The following ADAMTS2 variants were observed in gnomAD, a reference collection of about 807,000 sequenced individuals.
ADAMTS2 encodes the protein A disintegrin and metalloproteinase with thrombospondin motifs 2.
Under a neutral mutation model 123.0 loss-of-function variants are expected in ADAMTS2, and 50 were observed. That is an observed-to-expected ratio of 0.41 (90% CI 0.32 to 0.51). The LOEUF is 0.51. Among genes scored for constraint, ADAMTS2 ranks in the 20% least tolerant of loss-of-function variants. The pLI, the probability that ADAMTS2 is intolerant of heterozygous loss-of-function variation, is 0.35. For synonymous variants in ADAMTS2, 678 were observed against 695.4 expected (o/e 0.98, Z 0.39); for missense variants, 1,494 against 1,705.2 (o/e 0.88, Z 2.18).
intron 2 of ADAMTS2, among the ~76,000 whole-genome samples, chr5:179,319,176 AC>A (rs1377298742): frequency 2.0e-5 from 3 of 152,038 alleles, no homozygotes; most frequent in South Asian, 2.1e-4. Flanking sequence ...CAGGCGTCAC[AC>A]AGGCACCATG....
intron 2 of ADAMTS2, among the ~76,000 whole-genome samples, chr5:179,323,100 C>T (rs1484598069): frequency 6.6e-6 from 1 of 152,234 alleles, no homozygotes; most frequent in Non-Finnish European, 1.5e-5. Context: ...TCATGGCTGG[C>T]AGGGGCTGCA....
chr5:179,310,351 C>A (rs970514384), intron 2 of ADAMTS2, among the ~76,000 whole-genome samples: 2 of 152,206 alleles, frequency 1.3e-5, no homozygotes, highest in Non-Finnish European at 2.9e-5. Flanking sequence ...CTCAGCCCCC[C>A]AGCTCCAAGC....
chr5:179,226,101 A>C (rs7704240), intron 3 of ADAMTS2, among the ~76,000 whole-genome samples: 76,479 of 152,042 alleles, frequency 0.5, 21,588 homozygotes, highest in East Asian at 0.95. Context: ...ACACCCCCAT[A>C]GCACGCCCTG....
At chr5:179,263,624 G>A (rs527589535) in intron 3 of ADAMTS2, among the ~76,000 whole-genome samples, 1 of 152,324 alleles carries the variant, frequency 6.6e-6, no homozygotes, top group East Asian at 1.9e-4. Flanking sequence ...TGCTCGTGGC[G>A]CAGCCCACAC....
chr5:179,217,805 G>A (rs6875886), intron 3 of ADAMTS2, among the ~76,000 whole-genome samples: 18,434 of 141,452 alleles, frequency 0.13, 2,368 homozygotes, highest in African/African-American at 0.24. Context: ...AGGGGGGGAT[G>A]GGCACACTCA....
At chr5:179,137,454 CA>C (rs1561773442) in intron 12 of ADAMTS2, among the ~76,000 whole-genome samples, 2 of 152,284 alleles carry the variant, frequency 1.3e-5, no homozygotes, top group African/African-American at 4.8e-5. Flanking sequence ...CTGAGCTGAC[CA>C]CACAGCTCAA....
intron 4 of ADAMTS2, among the ~76,000 whole-genome samples, chr5:179,187,608 C>G (rs1028684198): frequency 5.9e-5 from 9 of 152,166 alleles, no homozygotes; most frequent in African/African-American, 2.2e-4. Flanking sequence ...CTCCCCCCAG[C>G]AGCCCTGGGG....
rs371021469 is a variant in ADAMTS2 at position 179,126,120 on chromosome 5, G to A, written c.2628C>T (p.Phe876=). Residue 876 remains phenylalanine, a synonymous_variant, in exon 18 of 22, where the codon TTC becomes TTT. Coordinates refer to ENST00000251582, the MANE Select transcript of ADAMTS2 (RefSeq NM_014244.5). Reference sequence around the variant, plus strand: ...GCCTCCGGCGGCAGCCATACTTGGTGAACTGGGACCCTGAAGGCAGAGAGC... The same window carrying A: ...GCCTCCGGCGGCAGCCATACTTGGTAAACTGGGACCCTGAAGGCAGAGAGC... ...CSKPCGGGSQ[F]TKYGCRRRLD... is the part of the protein sequence containing the mutation. The A allele has an allele frequency of 1.1e-5, 18 of 1,613,194 alleles. No individual in the cohort carries two copies. The highest frequency in any genetic ancestry group is 1.1e-4 in the African/African-American group (8 of 74,956).
At position 179,122,808 on chromosome 5, in the gene ADAMTS2, C is replaced by A. The variant is rs1208835569; in HGVS notation, c.2959-35G>T. On this transcript the variant is annotated intron_variant, in intron 19 of 21. Transcript: ENST00000251582. Reference sequence around the variant, plus strand: ...GAGAGTCGCCAGGCAGGGTTCACCTCCCACACAGGGCCCGCACTGGCAGAG... The same window carrying A: ...GAGAGTCGCCAGGCAGGGTTCACCTACCACACAGGGCCCGCACTGGCAGAG... 14 of 1,551,458 alleles carry A rather than the reference C, an allele frequency of 9.0e-6. No homozygotes were observed. In the East Asian group the frequency reaches 3.4e-4, roughly 38 times the overall value.
intron 12 of ADAMTS2, among the ~76,000 whole-genome samples, chr5:179,136,938 C>A (rs1763076096): frequency 1.3e-5 from 2 of 152,032 alleles, no homozygotes; most frequent in African/African-American, 4.8e-5. Context: ...CCACTGCACT[C>A]CAGCCTGGGC....
chr5:179,307,674 C>T lies in ADAMTS2; in HGVS notation c.535-34610G>A, dbSNP rs540069132. ...GCTGATTTCTCCTTCACTCAAGTGC[C>T]AGCCGTGGAGATCTCCTCTGTGTCC... On this transcript the variant is annotated intron_variant, in intron 2 of 21. Transcript: ENST00000251582. This position sits in a 1 kb window ranked among gnomAD's most constrained non-coding sequence, Gnocchi z 5.6. 1.2e-3 allele frequency among the ~76,000 whole-genome samples: 184 copies of T among 152,320 alleles called. 2 individuals are homozygous for T. The highest frequency in any genetic ancestry group is 4.4e-3 in the African/African-American group (181 of 41,570).
At position 179,175,330 on chromosome 5, in the gene ADAMTS2, G is replaced by C. The variant is rs1472123310; in HGVS notation, c.975+5742C>G. On this transcript the variant is annotated intron_variant, in intron 5 of 21. Transcript: ENST00000251582. This position sits in a 1 kb window ranked among gnomAD's most constrained non-coding sequence, Gnocchi z 4.1. Reference sequence around the variant, plus strand: ...GTCTCAGCCATTCTTGACCGTTCGTGTTCCTAGATGGTGCTTAGAATCACT... The same window carrying C: ...GTCTCAGCCATTCTTGACCGTTCGTCTTCCTAGATGGTGCTTAGAATCACT... Among the ~76,000 whole-genome samples, 4 of 152,228 alleles carry C rather than the reference G, an allele frequency of 2.6e-5. No homozygotes were observed. Among genetic ancestry groups the C allele is most frequent in the Non-Finnish European group, 4.4e-5 (3 of 68,046 alleles).
chr5:179,213,062 CA>C (rs11332474), intron 3 of ADAMTS2, among the ~76,000 whole-genome samples: 49,342 of 151,896 alleles, frequency 0.32, 8,443 homozygotes, highest in Non-Finnish European at 0.37. Flanking sequence ...CCTGCACAGC[CA>C]CACTGCGTGC....
intron 10 of ADAMTS2, among the ~76,000 whole-genome samples, chr5:179,148,704 C>T (rs1250171253): frequency 6.6e-6 from 1 of 152,204 alleles, no homozygotes; most frequent in Non-Finnish European, 1.5e-5. Context: ...TAGCGCCCAC[C>T]TGTGCCCACA....
chr5:179,124,111 C>T (rs1017551650), intron 19 of ADAMTS2, among the ~76,000 whole-genome samples: 8 of 152,176 alleles, frequency 5.3e-5, no homozygotes, highest in African/African-American at 1.7e-4. Context: ...TTCTTTTTCC[C>T]GATTCTACTC....
At position 179,129,808 on chromosome 5, in the gene ADAMTS2, C is replaced by A; in HGVS notation, c.2457+124G>T. The A allele has an allele frequency of 7.5e-7, 1 of 1,330,964 alleles. No homozygotes were observed. Among genetic ancestry groups the A allele is most frequent in the Non-Finnish European group, 1.0e-6 (1 of 967,410 alleles). The allele number at this position is 1,330,964 out of a possible 1,614,324, so 82.4% of individuals were successfully genotyped here. A position where few individuals can be genotyped will look rare whatever the true frequency, so the allele number is the denominator to read the frequency against. ...AGTCGGAGCCCCTTGGTGCCAAAGG[C>A]AGGCCAAAGGGGCCACGCAGAGTGT... On this transcript the variant is annotated intron_variant, in intron 16 of 21. Coordinates refer to ENST00000251582, the MANE Select transcript of ADAMTS2 (RefSeq NM_014244.5). The surrounding 1 kb of genome is among the most constrained non-coding windows in gnomAD (Gnocchi z 4.1).
chr5:179,134,810 G>GAGC, intron 13 of ADAMTS2, among the ~76,000 whole-genome samples: 1 of 82,350 alleles, frequency 1.2e-5, no homozygotes, highest in Admixed American at 1.3e-4. Flanking sequence ...CCAGCTCCCG[G>GAGC]CTCCAGCCCC....
Position 179,312,519 on chromosome 5 carries a change from AGCTTCCGATGCTTTTAAGCC to A in ADAMTS2, c.534+31228_534+31247del. On this transcript the variant is annotated intron_variant, in intron 2 of 21. Transcript: ENST00000251582. This position sits in a 1 kb window ranked among gnomAD's most constrained non-coding sequence, Gnocchi z 4.2. ...ACAGCTTCCAGAACCGTGAGAAATA[AGCTTCCGATGCTTTTAAGCC>A]GCTCCGTTTATGGTATTTGGCTATA... 6.6e-6 allele frequency among the ~76,000 whole-genome samples: 1 copy of A among 152,346 alleles called. No individual in the cohort carries two copies. The highest frequency in any genetic ancestry group is 6.5e-5 in the Admixed American group (1 of 15,302).
chr5:179,256,706 G>C lies in ADAMTS2; in HGVS notation c.688+16205C>G, dbSNP rs1384365293. On this transcript the variant is annotated intron_variant, in intron 3 of 21. Transcript: ENST00000251582. This position sits in a 1 kb window ranked among gnomAD's most constrained non-coding sequence, Gnocchi z 4.1. ...TGTTCGCCCATCCAGAGGAGGCACA[G>C]AGCCTCCCACCCAGTGCTGCTGGCA... 6.6e-6 allele frequency among the ~76,000 whole-genome samples: 1 copy of C among 152,204 alleles called. No homozygotes were observed.
Sources: allele counts gnomAD v4.1 joint callset (sites outside exome capture counted in the v4.1 genomes callset), GRCh38; gene constraint gnomAD v4.1.1; non-coding constraint Gnocchi (gnomAD v3.1); transcripts MANE v1.5; gene names NCBI Gene and HGNC (gene_info 2026-07-23, HGNC 2026-07-21).